Variants in ENOX1 observed in about 807,000 individuals in gnomAD.
ENOX1 encodes ecto-NOX disulfide-thiol exchanger 1.
ENOX1 carries 42 observed loss-of-function variants against 82.5 expected under a neutral mutation model. That is an observed-to-expected ratio of 0.51 (90% CI 0.40 to 0.66). The LOEUF (loss-of-function observed/expected upper bound fraction) is 0.66, where lower values mean the gene tolerates loss of function less well. Ranked by LOEUF, ENOX1 falls within the 30% of genes least tolerant of loss-of-function variation. The probability of loss-of-function intolerance (pLI) is 0.00; values close to 1 mark genes in which losing one functional copy is unlikely to be tolerated. For missense variants in ENOX1, 608 were observed against 811.6 expected (o/e 0.75, Z 3.05); for synonymous variants, 271 against 282.2 (o/e 0.96, Z 0.40).
chr13:43,731,394 C>A (rs1462731237), intron 1 of ENOX1, among the ~76,000 whole-genome samples: 1 of 152,158 alleles, frequency 6.6e-6, no homozygotes, highest in African/African-American at 2.4e-5. Context: ...TAGTAAATGA[C>A]AAAGTTTATA....
At chr13:43,433,443 G>A (rs768107945) in intron 3 of ENOX1, among the ~76,000 whole-genome samples, 1 of 152,106 alleles carries the variant, frequency 6.6e-6, no homozygotes, top group Non-Finnish European at 1.5e-5. Flanking sequence ...GTTTCAACAT[G>A]AGTGTTGGTG....
intron 2 of ENOX1, among the ~76,000 whole-genome samples, chr13:43,512,863 T>A (rs746474228): frequency 1.3e-5 from 2 of 152,090 alleles, no homozygotes; most frequent in Non-Finnish European, 2.9e-5. Context: ...CATTTTTCCA[T>A]CCATCTATCT....
At chr13:43,247,879 A>ATTTT (rs2043212414) in intron 14 of ENOX1, among the ~76,000 whole-genome samples, 1 of 12,330 alleles carries the variant, frequency 8.1e-5, no homozygotes, top group Non-Finnish European at 2.1e-4. Flanking sequence ...ATATATATAT[A>ATTTT]TATATTTTTT....
chr13:43,755,353 T>C (rs1950593695), intron 1 of ENOX1, among the ~76,000 whole-genome samples: 1 of 152,002 alleles, frequency 6.6e-6, no homozygotes, highest in Non-Finnish European at 1.5e-5. Context: ...TGAAATCTGG[T>C]CAAAATTCCC....
intron 2 of ENOX1, among the ~76,000 whole-genome samples, chr13:43,572,537 A>G (rs2080230605): frequency 6.6e-6 from 1 of 152,222 alleles, no homozygotes; most frequent in Admixed American, 6.5e-5. Flanking sequence ...AATGGATTTC[A>G]GCTGATTCAT....
At chr13:43,607,517 T>G (rs1239091385) in intron 2 of ENOX1, among the ~76,000 whole-genome samples, 2 of 152,226 alleles carry the variant, frequency 1.3e-5, no homozygotes, top group East Asian at 3.8e-4. Flanking sequence ...ATGTTAAGTC[T>G]GGCCATATAG....
intron 12 of ENOX1, among the ~76,000 whole-genome samples, chr13:43,290,231 C>T (rs541725702): frequency 2.6e-5 from 4 of 152,198 alleles, no homozygotes; most frequent in African/African-American, 4.8e-5. Context: ...TGCGTGTATA[C>T]GTAAAGGCAA....
At chr13:43,714,312 C>T (rs59571606) in intron 1 of ENOX1, among the ~76,000 whole-genome samples, 14,206 of 152,032 alleles carry the variant, frequency 0.093, 1,078 homozygotes, top group East Asian at 0.26. Flanking sequence ...TTTACATTTG[C>T]TGAGGAGTGC....
At chr13:43,677,674 A>G (rs990912315) in intron 1 of ENOX1, among the ~76,000 whole-genome samples, 1 of 152,152 alleles carries the variant, frequency 6.6e-6, no homozygotes, top group African/African-American at 2.4e-5. Context: ...CTTTCTTTGC[A>G]AAGCATTTTT....
At chr13:43,217,637 CAA>C (rs1433576899) in intron 16 of ENOX1, among the ~76,000 whole-genome samples, 6 of 152,148 alleles carry the variant, frequency 3.9e-5, no homozygotes, top group African/African-American at 1.2e-4. Context: ...AAAGGAGACA[CAA>C]AAGATTTGGA....
intron 9 of ENOX1, among the ~76,000 whole-genome samples, chr13:43,336,998 C>T (rs2048751591): frequency 6.6e-6 from 1 of 152,184 alleles, no homozygotes; most frequent in Non-Finnish European, 1.5e-5. Flanking sequence ...CTAACCTTTC[C>T]AATCTCCAGG....
At chr13:43,432,573 G>C (rs1032112654) in intron 3 of ENOX1, among the ~76,000 whole-genome samples, 2 of 152,184 alleles carry the variant, frequency 1.3e-5, no homozygotes, top group African/African-American at 4.8e-5. Context: ...AGCCTGGGAG[G>C]CAGAGGTTGC....
At chr13:43,723,522 C>G (rs960217692) in intron 1 of ENOX1, among the ~76,000 whole-genome samples, 1 of 152,124 alleles carries the variant, frequency 6.6e-6, no homozygotes, top group Admixed American at 6.5e-5. Flanking sequence ...TCCGCTATTC[C>G]TAAAAGCACT....
At chr13:43,426,494 C>A (rs917826631) in intron 3 of ENOX1, among the ~76,000 whole-genome samples, 6 of 151,896 alleles carry the variant, frequency 4.0e-5, no homozygotes, top group African/African-American at 1.4e-4. Flanking sequence ...ACTTTTTTTT[C>A]GTTTCTAGTG....
chr13:43,748,217 T>G (rs1008685762), intron 1 of ENOX1, among the ~76,000 whole-genome samples: 1 of 152,208 alleles, frequency 6.6e-6, no homozygotes, highest in South Asian at 2.1e-4. Context: ...TTACATATTT[T>G]ACTCTGAGAA....
intron 2 of ENOX1, among the ~76,000 whole-genome samples, chr13:43,620,550 G>A (rs1487303754): frequency 2.6e-5 from 4 of 152,068 alleles, no homozygotes; most frequent in African/African-American, 9.7e-5. Context: ...GTATTTGCAT[G>A]GTTTTGAAGG....
intron 2 of ENOX1, among the ~76,000 whole-genome samples, chr13:43,645,751 T>G (rs576324526): frequency 6.6e-4 from 100 of 152,064 alleles, no homozygotes; most frequent in African/African-American, 2.2e-3. Context: ...CTTCTCAGAA[T>G]TCAGATTATA....
intron 12 of ENOX1, among the ~76,000 whole-genome samples, chr13:43,286,693 G>A (rs2045719341): frequency 6.6e-6 from 1 of 152,182 alleles, no homozygotes; most frequent in Admixed American, 6.5e-5. Flanking sequence ...ATGATGAGAT[G>A]AAGCCTCTCA....
chr13:43,291,996 C>T (rs1044892188), intron 12 of ENOX1, among the ~76,000 whole-genome samples: 1 of 152,096 alleles, frequency 6.6e-6, no homozygotes, highest in Non-Finnish European at 1.5e-5. Context: ...ATGAGCAAAG[C>T]CACAGAGCTT....
Sources: allele counts gnomAD v4.1 joint callset (sites outside exome capture counted in the v4.1 genomes callset), GRCh38; gene constraint gnomAD v4.1.1; transcripts MANE v1.5; gene names NCBI Gene and HGNC (gene_info 2026-07-23, HGNC 2026-07-21).